Variants in CACNG2 observed in about 807,000 individuals in gnomAD.
CACNG2 encodes the protein voltage-dependent calcium channel gamma-2 subunit.
CACNG2 carries 3 observed loss-of-function variants against 25.9 expected under a neutral mutation model. The ratio of observed to expected loss-of-function variants is 0.12; its 90% confidence interval spans 0.05 to 0.30. The LOEUF (loss-of-function observed/expected upper bound fraction) is 0.30, where lower values mean the gene tolerates loss of function less well. CACNG2 is among the 10% of genes least tolerant of loss of function. The probability of loss-of-function intolerance (pLI) is 1.00; values close to 1 mark genes in which losing one functional copy is unlikely to be tolerated. For synonymous variants in CACNG2, 167 were observed against 173.3 expected, an observed-to-expected ratio of 0.96 and a Z score of 0.29; for missense variants, 341 against 432.5, an observed-to-expected ratio of 0.79 and a Z score of 1.88.
intron 1 of CACNG2, among the ~76,000 whole-genome samples, chr22:36,600,380 G>A (rs1935736969): frequency 6.6e-6 from 1 of 151,614 alleles, no homozygotes; most frequent in South Asian, 2.1e-4. Context: ...CTCCTGAGTA[G>A]CTGGGACTAC....
At chr22:36,653,982 C>CTGTGTG (rs34435196) in intron 1 of CACNG2, among the ~76,000 whole-genome samples, 259 of 134,198 alleles carry the variant, frequency 1.9e-3, no homozygotes, top group African/African-American at 4.6e-3. Context: ...GTGTGTGTCT[C>CTGTGTG]TGTGTGTGTG....
intron 1 of CACNG2, among the ~76,000 whole-genome samples, chr22:36,689,359 A>G (rs975906922): frequency 5.9e-5 from 9 of 152,308 alleles, no homozygotes; most frequent in African/African-American, 2.2e-4. Context: ...AATAATACAT[A>G]CAGTAGACAA....
chr22:36,588,984 A>AC (rs1555894094), intron 1 of CACNG2, among the ~76,000 whole-genome samples: 1 of 115,076 alleles, frequency 8.7e-6, no homozygotes, highest in Admixed American at 1.2e-4. Context: ...TATTACATAT[A>AC]CCTTTTTTTT....
At chr22:36,608,569 A>G (rs770946031) in intron 1 of CACNG2, among the ~76,000 whole-genome samples, 13 of 152,202 alleles carry the variant, frequency 8.5e-5, no homozygotes, top group Non-Finnish European at 1.9e-4. Flanking sequence ...TCTATTAATG[A>G]GCCTGTTCTA....
chr22:36,610,227 A>C (rs1935917408), intron 1 of CACNG2, among the ~76,000 whole-genome samples: 1 of 150,786 alleles, frequency 6.6e-6, no homozygotes, highest in South Asian at 2.1e-4. Flanking sequence ...GTGATTGGGC[A>C]GGAATCAGCT....
In CACNG2 at chr22:36,564,508, G is replaced by C. The variant is rs759983832; in HGVS notation, c.815C>G (p.Thr272Arg). 8.1e-6 allele frequency: 13 copies of C among 1,614,152 alleles called. No homozygotes were observed. Among genetic ancestry groups the C allele is most frequent in the Non-Finnish European group, 1.1e-5 (13 of 1,180,008 alleles). Residue 272 changes from threonine to arginine, a missense_variant, in exon 4 of 4, where the codon ACG becomes AGG. Thr to Arg is a moderately conservative substitution (Grantham distance 71). Coordinates refer to ENST00000300105, the MANE Select transcript of CACNG2 (RefSeq NM_006078.5). The surrounding 1 kb of genome is among the most constrained non-coding windows in gnomAD (Gnocchi z 6.7). ...TLPSTEISMY[T>R]LSRDPLKAAT... ...GGCCTTCAGGGGGTCCCTGCTGAGC[G>C]TGTACATGGAGATCTCCGTGGACGG...
At chr22:36,678,158 C>T (rs988925451) in intron 1 of CACNG2, among the ~76,000 whole-genome samples, 3 of 152,096 alleles carry the variant, frequency 2.0e-5, no homozygotes, top group African/African-American at 7.2e-5. Context: ...TAAAATGAGG[C>T]CACGTAAAAT....
intron 1 of CACNG2, among the ~76,000 whole-genome samples, chr22:36,595,034 T>A (rs1195818272): frequency 1.3e-5 from 2 of 150,748 alleles, no homozygotes; most frequent in Non-Finnish European, 3.0e-5. Flanking sequence ...TGTGTGTGCA[T>A]GTATGTGTCT....
intron 1 of CACNG2, among the ~76,000 whole-genome samples, chr22:36,654,745 T>C (rs527454600): frequency 1.3e-5 from 2 of 152,312 alleles, no homozygotes; most frequent in Admixed American, 1.3e-4. Flanking sequence ...GTCAGAGATA[T>C]CTTCATCTAC....
chr22:36,564,474 C>T lies in CACNG2; in HGVS notation c.849G>A (p.Thr283=), dbSNP rs1248176885. Residue 283 remains threonine (T), a synonymous_variant, in exon 4 of 4, where the codon ACG becomes ACA. Coordinates refer to ENST00000300105, the MANE Select transcript of CACNG2 (RefSeq NM_006078.5). This position sits in a 1 kb window ranked among gnomAD's most constrained non-coding sequence, Gnocchi z 6.7. ...LSRDPLKAAT[T]PTATYNSDRD... Reference sequence around the variant, plus strand: ...TGTCGGAGTTGTAGGTGGCGGTGGGCGTGGTGGCGGCCTTCAGGGGGTCCC... The same window carrying T: ...TGTCGGAGTTGTAGGTGGCGGTGGGTGTGGTGGCGGCCTTCAGGGGGTCCC... 6.2e-7 allele frequency: 1 copy of T among 1,614,018 alleles called. No homozygotes were observed. Among genetic ancestry groups the T allele is most frequent in the Non-Finnish European group, 8.5e-7 (1 of 1,179,956 alleles).
At chr22:36,670,307 CT>C (rs1190807387) in intron 1 of CACNG2, among the ~76,000 whole-genome samples, 3 of 152,130 alleles carry the variant, frequency 2.0e-5, no homozygotes, top group Admixed American at 6.5e-5. Flanking sequence ...ATCATCCCAG[CT>C]TTTGGGACCT....
At chr22:36,654,449 C>G (rs1320745982) in intron 1 of CACNG2, among the ~76,000 whole-genome samples, 2 of 151,832 alleles carry the variant, frequency 1.3e-5, no homozygotes, top group East Asian at 3.9e-4. Flanking sequence ...ACAGTCTGGT[C>G]TTGAACTCCT....
intron 1 of CACNG2, among the ~76,000 whole-genome samples, chr22:36,663,486 TG>T (rs1936829301): frequency 6.6e-6 from 1 of 152,212 alleles, no homozygotes; most frequent in Non-Finnish European, 1.5e-5. Flanking sequence ...CCAGGCATCC[TG>T]AGTTTTTTTC....
chr22:36,690,322 C>A (rs1247223701), intron 1 of CACNG2, among the ~76,000 whole-genome samples: 1 of 152,034 alleles, frequency 6.6e-6, no homozygotes, highest in Non-Finnish European at 1.5e-5. Flanking sequence ...TGATGGCTGC[C>A]AAGCAGGGAT....
chr22:36,674,115 C>G (rs1936991865), intron 1 of CACNG2, among the ~76,000 whole-genome samples: 1 of 152,180 alleles, frequency 6.6e-6, no homozygotes, highest in Non-Finnish European at 1.5e-5. Context: ...GTTGGGCCCC[C>G]ACCCTGCTGA....
rs995503712 is a variant in CACNG2 at position 36,564,185 on chromosome 22, C to CT, written c.*165dup. 44 of 534,168 alleles carry CT rather than the reference C, an allele frequency of 8.2e-5. No individual in the cohort carries two copies. Among genetic ancestry groups the CT allele is most frequent in the South Asian group, 1.1e-4 (3 of 27,818 alleles). The allele number at this position is 534,168 out of a possible 1,614,324, so 33.1% of individuals were successfully genotyped here. On this transcript the variant is annotated 3_prime_UTR_variant, in exon 4 of 4. Transcript: ENST00000300105. The surrounding 1 kb of genome is among the most constrained non-coding windows in gnomAD (Gnocchi z 6.7). ...AAAATTTACTTGTTATGTTTTTTCT[C>CT]TTTTTTTGTGTGTGTGTGTTTTTTT...
At chr22:36,680,646 T>C (rs1488861586) in intron 1 of CACNG2, among the ~76,000 whole-genome samples, 7 of 3,446 alleles carry the variant, frequency 2.0e-3, no homozygotes, top group East Asian at 6.2e-3. Flanking sequence ...ACCACCATCA[T>C]TATCACCACC....
At chr22:36,673,947 G>C (rs1253405110) in intron 1 of CACNG2, among the ~76,000 whole-genome samples, 1 of 152,204 alleles carries the variant, frequency 6.6e-6, no homozygotes, top group Admixed American at 6.5e-5. Context: ...GGGCGGCCGG[G>C]GTGATTTGGT....
At position 36,683,867 on chromosome 22, in the gene CACNG2, C is replaced by G. The variant is rs1273127213; in HGVS notation, c.211+18499G>C. 2.0e-5 allele frequency among the ~76,000 whole-genome samples: 3 copies of G among 152,174 alleles called. No individual in the cohort carries two copies. In the East Asian group the frequency reaches 5.8e-4, roughly 29 times the overall value. On this transcript the variant is annotated intron_variant, in intron 1 of 3. Coordinates refer to ENST00000300105, the MANE Select transcript of CACNG2 (RefSeq NM_006078.5). Reference sequence around the variant, plus strand: ...TCTCTCTCTCCACCCCCCGCGACCCCTGGCTGTCGTCCACACCACCATCCT... The same window carrying G: ...TCTCTCTCTCCACCCCCCGCGACCCGTGGCTGTCGTCCACACCACCATCCT...
Sources: allele counts gnomAD v4.1 joint callset (sites outside exome capture counted in the v4.1 genomes callset), GRCh38; gene constraint gnomAD v4.1.1; non-coding constraint Gnocchi (gnomAD v3.1); transcripts MANE v1.5; gene names NCBI Gene and HGNC (gene_info 2026-07-23, HGNC 2026-07-21).